The following RAP1GAP2 variants were observed in gnomAD, a reference collection of about 807,000 sequenced individuals.
The protein encoded by RAP1GAP2 is RAP1 GTPase activating protein 2.
In RAP1GAP2, 27 loss-of-function variants were observed where a neutral mutation model predicts 95.0. The observed-to-expected ratio is 0.28, with a 90% confidence interval of 0.21 to 0.39. RAP1GAP2 has a LOEUF of 0.39. RAP1GAP2 is among the 10% of genes least tolerant of loss of function. The pLI, the probability that RAP1GAP2 is intolerant of heterozygous loss-of-function variation, is 1.00. For synonymous variants in RAP1GAP2, 373 were observed against 380.9 expected, an observed-to-expected ratio of 0.98 and a Z score of 0.24; for missense variants, 771 against 970.0, an observed-to-expected ratio of 0.79 and a Z score of 2.72.
chr17:2,994,026 A>G (rs1280202358), intron 12 of RAP1GAP2, among the ~76,000 whole-genome samples: 1 of 152,214 alleles, frequency 6.6e-6, no homozygotes, highest in Non-Finnish European at 1.5e-5. Context: ...AGCCTGGATG[A>G]CAGAGTGAAC....
At chr17:2,931,252 G>A (rs569190653) in intron 3 of RAP1GAP2, among the ~76,000 whole-genome samples, 2 of 151,312 alleles carry the variant, frequency 1.3e-5, no homozygotes, top group Non-Finnish European at 1.5e-5. Context: ...AGGGCTAGGC[G>A]TGTATGTTTG....
At chr17:2,864,582 AC>A (rs1428773488) in intron 2 of RAP1GAP2, among the ~76,000 whole-genome samples, 1 of 152,166 alleles carries the variant, frequency 6.6e-6, no homozygotes. Flanking sequence ...TCCCTGAAGG[AC>A]GGGACGTACG....
intron 2 of RAP1GAP2, among the ~76,000 whole-genome samples, chr17:2,899,715 T>G (rs1407452151): frequency 6.6e-6 from 1 of 152,080 alleles, no homozygotes; most frequent in African/African-American, 2.4e-5. Context: ...TTCGCCATGT[T>G]AGCCAGGTTG....
At chr17:2,796,391 C>A, upstream of RAP1GAP2, 2 of 911,368 alleles carry the variant, frequency 2.2e-6, no homozygotes, top group Non-Finnish European at 3.4e-6. This position sits in a 1 kb window ranked among gnomAD's most constrained non-coding sequence, Gnocchi z 4.7. Flanking sequence ...GGGTTGGGGG[C>A]AGGCGAAGAG....
intron 1 of RAP1GAP2, among the ~76,000 whole-genome samples, chr17:2,780,314 G>A (rs2068614704): frequency 6.6e-6 from 1 of 152,246 alleles, no homozygotes; most frequent in Non-Finnish European, 1.5e-5. Flanking sequence ...GCCTCCCAAA[G>A]TGCTGGGGTG....
chr17:2,765,484 A>G (rs1358425576), intron 1 of RAP1GAP2, among the ~76,000 whole-genome samples: 1 of 152,134 alleles, frequency 6.6e-6, no homozygotes, highest in Non-Finnish European at 1.5e-5. Context: ...TCACGCCTGT[A>G]ATCCCAGCAC....
intron 4 of RAP1GAP2, 153 bp from the exon 5 acceptor site, chr17:2,962,517 G>A (rs1375397038): frequency 4.0e-6 from 3 of 740,926 alleles, no homozygotes; most frequent in Non-Finnish European, 6.4e-6. Flanking sequence ...TGTGAGGCCC[G>A]CCCCTGGCCA....
chr17:2,959,507 A>G (rs2044235508), intron 4 of RAP1GAP2, among the ~76,000 whole-genome samples: 1 of 152,172 alleles, frequency 6.6e-6, no homozygotes, highest in Non-Finnish European at 1.5e-5. Context: ...AAGCTCACGT[A>G]TGGGGCACTG....
intron 1 of RAP1GAP2, among the ~76,000 whole-genome samples, chr17:2,765,710 C>A (rs1442125219): frequency 6.6e-6 from 1 of 151,020 alleles, no homozygotes; most frequent in Non-Finnish European, 1.5e-5. Context: ...GCCACTGCAC[C>A]CCAGACTGGG....
intron 2 of RAP1GAP2, among the ~76,000 whole-genome samples, chr17:2,840,015 C>T (rs1440639142): frequency 6.6e-6 from 1 of 151,886 alleles, no homozygotes; most frequent in Non-Finnish European, 1.5e-5. Flanking sequence ...TCAGGCTGGT[C>T]TCAAACTCCC....
rs370623810 is a variant in RAP1GAP2 at position 3,036,729 on chromosome 17, G to A, written c.*3368G>A. 2.0e-5 allele frequency: 3 copies of A among 152,584 alleles called. No individual in the cohort carries two copies. The highest frequency in any genetic ancestry group is 7.2e-5 in the African/African-American group (3 of 41,444). 9.5% of individuals were successfully genotyped at this position (152,584 alleles called of 1,614,324 possible). On this transcript the variant is annotated 3_prime_UTR_variant, in exon 25 of 25. Transcript: ENST00000254695. ...CTTTTCCTAAATTAAGAGGAAAAGT[G>A]GTCAAAGAAAAACTCTTCATTTCTC...
rs1880734056 is a variant in RAP1GAP2 at position 2,866,651 on chromosome 17, G to A, written c.81-38633G>A. Among the ~76,000 whole-genome samples the A allele has an allele frequency of 6.6e-6, 1 of 152,224 alleles. No homozygotes were observed. The highest frequency in any genetic ancestry group is 2.1e-4 in the South Asian group (1 of 4,818). On this transcript the variant is annotated intron_variant, in intron 2 of 24. Coordinates refer to ENST00000254695, the MANE Select transcript of RAP1GAP2 (RefSeq NM_015085.5). This position sits in a 1 kb window ranked among gnomAD's most constrained non-coding sequence, Gnocchi z 4.0. ...CATCTCCCTCTGTCGCCAGGCTGGA[G>A]TGCAGTGGTGCGATCTCGGCTCACT...
chr17:2,803,736 C>G lies in RAP1GAP2; in HGVS notation c.80+3186C>G, dbSNP rs536391507. Among the ~76,000 whole-genome samples the G allele has an allele frequency of 8.4e-4, 128 of 152,162 alleles. 1 individual carries two copies. The highest frequency in any genetic ancestry group is 2.9e-3 in the African/African-American group (122 of 41,530). ...TCTACTGAAAATACAAAAATTAGCC[C>G]AGTGTGGTGGTGTGCGCCTGTAGCC... On this transcript the variant is annotated intron_variant, in intron 2 of 24. Coordinates refer to ENST00000254695, the MANE Select transcript of RAP1GAP2 (RefSeq NM_015085.5).
intron 3 of RAP1GAP2, among the ~76,000 whole-genome samples, chr17:2,926,821 A>G (rs1229815533): frequency 1.3e-5 from 2 of 151,864 alleles, no homozygotes; most frequent in Non-Finnish European, 2.9e-5. Flanking sequence ...CCTGGCCAAC[A>G]TGGTGAAACC....
Position 2,881,380 on chromosome 17 carries a change from A to AG in RAP1GAP2, c.81-23903dup, listed in dbSNP as rs553760288. Among the ~76,000 whole-genome samples, 249 of 152,314 alleles carry AG rather than the reference A, an allele frequency of 1.6e-3. 2 individuals are homozygous for AG. The highest frequency in any genetic ancestry group is 5.8e-3 in the African/African-American group (242 of 41,574). On this transcript the variant is annotated intron_variant, in intron 2 of 24. Coordinates refer to ENST00000254695, the MANE Select transcript of RAP1GAP2 (RefSeq NM_015085.5). ...TCAGCTTTTTGGATTTGGGATGCTC[A>AG]GTGTGTAGATGGAATCACACAGTAG...
intron 14 of RAP1GAP2, among the ~76,000 whole-genome samples, chr17:3,002,362 T>A (rs1358240414): frequency 6.6e-6 from 1 of 152,170 alleles, no homozygotes; most frequent in Non-Finnish European, 1.5e-5. Flanking sequence ...CTGTGGTACC[T>A]TGATCGTGCA....
At chr17:2,938,437 G>A (rs76979725) in intron 3 of RAP1GAP2, among the ~76,000 whole-genome samples, 2,262 of 152,158 alleles carry the variant, frequency 0.015, 50 homozygotes, top group African/African-American at 0.05. Flanking sequence ...GGTATGGAGC[G>A]TGACATGTCA....
Position 2,995,361 on chromosome 17 carries a change from C to T in RAP1GAP2, c.939C>T (p.Thr313=). 3 of 1,613,794 alleles carry T rather than the reference C, an allele frequency of 1.9e-6. No homozygotes were observed. The highest frequency in any genetic ancestry group is 1.7e-5 in the Admixed American group (1 of 60,026). The change falls in exon 13 of 25, where the codon ACC becomes ACT. Residue 313 remains threonine, a synonymous_variant. Coordinates refer to ENST00000254695, the MANE Select transcript of RAP1GAP2 (RefSeq NM_015085.5). ...GTTTCCGAGGAGGCCTGGACGTGAC[C>T]CACGGACAGACAGGGGTGGAATCAG... The part of the protein sequence containing the change: ...FKGFRGGLDV[T]HGQTGVESVY...
At chr17:2,993,442 A>G (rs561709310) in intron 12 of RAP1GAP2, among the ~76,000 whole-genome samples, 1 of 151,684 alleles carries the variant, frequency 6.6e-6, no homozygotes, top group Non-Finnish European at 1.5e-5. Context: ...GCGTGGTGGC[A>G]CGTGCCTGTA....
Sources: allele counts gnomAD v4.1 joint callset (sites outside exome capture counted in the v4.1 genomes callset), GRCh38; gene constraint gnomAD v4.1.1; non-coding constraint Gnocchi (gnomAD v3.1); transcripts MANE v1.5; gene names NCBI Gene and HGNC (gene_info 2026-07-23, HGNC 2026-07-21).